Variants in OSBPL5 observed in about 807,000 individuals in gnomAD.
The protein encoded by OSBPL5 is oxysterol binding protein like 5.
Under a neutral mutation model 111.2 loss-of-function variants are expected in OSBPL5, and 71 were observed. The ratio of observed to expected loss-of-function variants is 0.64; its 90% CI spans 0.53 to 0.78. The LOEUF (loss-of-function observed/expected upper bound fraction) is 0.78. OSBPL5 is among the 30% of genes least tolerant of loss of function. The probability of loss-of-function intolerance (pLI) is 0.00; values close to 1 mark genes in which losing one functional copy is unlikely to be tolerated. For synonymous variants in OSBPL5, 549 were observed against 513.9 expected (o/e 1.07, Z -0.93); for missense variants, 1,210 against 1,189.3 (o/e 1.02, Z -0.26).
chr11:3,158,763 T>C (rs1348531666), intron 1 of OSBPL5, among the ~76,000 whole-genome samples: 8 of 152,216 alleles, frequency 5.3e-5, no homozygotes, highest in African/African-American at 1.9e-4. Flanking sequence ...TGCTTCTTTC[T>C]GCATAAAACC....
chr11:3,090,513 A>T, intron 20 of OSBPL5, 45 bp downstream of exon 20: 1 of 1,591,420 alleles, frequency 6.3e-7, no homozygotes, highest in South Asian at 1.1e-5. Flanking sequence ...CATCTGAGGC[A>T]CCCCACCAGA....
intron 1 of OSBPL5, among the ~76,000 whole-genome samples, chr11:3,148,643 C>T (rs11601459): frequency 7.9e-5 from 12 of 152,128 alleles, no homozygotes; most frequent in African/African-American, 2.4e-4. Flanking sequence ...CGAAGCCAAA[C>T]GGGAGAGGAC....
At chr11:3,164,619 G>T (rs1439924831) in intron 1 of OSBPL5, among the ~76,000 whole-genome samples, 1 of 152,212 alleles carries the variant, frequency 6.6e-6, no homozygotes, top group African/African-American at 2.4e-5. Context: ...CAGGGGGTCA[G>T]TGCCCCAGAG....
rs552382553 is a variant in OSBPL5 at position 3,098,495 on chromosome 11, A to ATTT, written c.1621+1660_1621+1662dup. Among the ~76,000 whole-genome samples the ATTT allele has an allele frequency of 3.0e-3, 244 of 81,194 alleles. 26 individuals are homozygous for ATTT. Among genetic ancestry groups the ATTT allele is most frequent in the African/African-American group, 0.014 (222 of 15,918 alleles). 53.3% of individuals were successfully genotyped at this position (81,194 alleles called of 152,430 possible). A position where few individuals can be genotyped will look rare whatever the true frequency, so the allele number is the denominator to read the frequency against. On this transcript the variant is annotated intron_variant, in intron 14 of 21. Coordinates refer to ENST00000263650, the MANE Select transcript of OSBPL5 (RefSeq NM_020896.4). Reference sequence around the variant, plus strand: ...TCAAGCCATAAAAAGACATGAAGGAATTTTTTTTTTTTTTTTTTTTTTTTT... The same window carrying ATTT: ...TCAAGCCATAAAAAGACATGAAGGAATTTTTTTTTTTTTTTTTTTTTTTTTTTT...
rs370608149 is a variant in OSBPL5, at chr11:3,142,486, C to T, written c.-21-13317G>A. The stretch of plus-strand genomic sequence containing the variant: ...CCTCCCCACTCGCTGCTCCGTGTCC[C>T]AGGAGGTCAGATTTCACCCGGATGC... On this transcript the variant is annotated intron_variant, in intron 1 of 21. Transcript: ENST00000263650. The surrounding 1 kb of genome is among the most constrained non-coding windows in gnomAD (Gnocchi z 7.1). Among the ~76,000 whole-genome samples the T allele has an allele frequency of 5.9e-5, 9 of 151,864 alleles. 1 individual carries two copies. Among genetic ancestry groups the T allele is most frequent in the South Asian group, 2.1e-4 (1 of 4,814 alleles).
At position 3,105,827 on chromosome 11, in the gene OSBPL5, G is replaced by T. The variant is rs986093701; in HGVS notation, c.1059+1436C>A. ...CACCTGCAGCAGCCCGCTCTGCCTG[G>T]CTCACAGCAGCGTCGCTCATCACCA... On this transcript the variant is annotated intron_variant, in intron 9 of 21. Coordinates refer to ENST00000263650, the MANE Select transcript of OSBPL5 (RefSeq NM_020896.4). The surrounding 1 kb of genome is among the most constrained non-coding windows in gnomAD (Gnocchi z 5.2). 2.6e-5 allele frequency among the ~76,000 whole-genome samples: 4 copies of T among 152,156 alleles called. No homozygotes were observed. Among genetic ancestry groups the T allele is most frequent in the Middle Eastern group, 3.4e-3 (1 of 294 alleles).
chr11:3,162,834 G>A lies in OSBPL5; in HGVS notation c.-22+2382C>T, dbSNP rs1170816071. Among the ~76,000 whole-genome samples, 2 of 152,124 alleles carry A rather than the reference G, an allele frequency of 1.3e-5. No homozygotes were observed. The highest frequency in any genetic ancestry group is 2.4e-5 in the African/African-American group (1 of 41,436). ...TTTGTGCCGGTCACAAGCAGCATGA[G>A]GACATCCAGGGCAGCATGCCTGTCC... On this transcript the variant is annotated intron_variant, in intron 1 of 21. Transcript: ENST00000263650. This position sits in a 1 kb window ranked among gnomAD's most constrained non-coding sequence, Gnocchi z 8.1.
In OSBPL5 at chr11:3,121,811, T is replaced by TA. The variant is rs1858426577; in HGVS notation, c.402+185dup. ...CTAATTCCTACCACTGGTGTCCTTA[T>TA]AAAAAGGGGGAGAGACAGGTGGATA... On this transcript the variant is annotated intron_variant, in intron 5 of 21. Coordinates refer to ENST00000263650, the MANE Select transcript of OSBPL5 (RefSeq NM_020896.4). This position sits in a 1 kb window ranked among gnomAD's most constrained non-coding sequence, Gnocchi z 4.3. 9 of 608,724 alleles carry TA rather than the reference T, an allele frequency of 1.5e-5. No individual in the cohort carries two copies. The highest frequency in any genetic ancestry group is 2.6e-5 in the Non-Finnish European group (9 of 343,292). 37.7% of individuals were successfully genotyped at this position (608,724 alleles called of 1,614,324 possible).
In OSBPL5 at chr11:3,146,399, A is replaced by AT. The variant is rs1293441528; in HGVS notation, c.-21-17231dup. On this transcript the variant is annotated intron_variant, in intron 1 of 21. Coordinates refer to ENST00000263650, the MANE Select transcript of OSBPL5 (RefSeq NM_020896.4). The surrounding 1 kb of genome is among the most constrained non-coding windows in gnomAD (Gnocchi z 7.8). ...GGTAGGAAAGGGGTCTCGTTTGTGG[A>AT]TTCCTCTACAGGATTTGGGGGTACC... 6.6e-6 allele frequency: 1 copy of AT among 152,328 alleles called. No individual in the cohort carries two copies. The highest frequency in any genetic ancestry group is 1.5e-5 in the Non-Finnish European group (1 of 68,162). 9.4% of individuals were successfully genotyped at this position (152,328 alleles called of 1,614,324 possible).
intron 1 of OSBPL5, among the ~76,000 whole-genome samples, chr11:3,136,095 C>T (rs553722469): frequency 2.6e-5 from 4 of 152,356 alleles, no homozygotes; most frequent in African/African-American, 9.6e-5. Flanking sequence ...CCTGGCCAGC[C>T]CTGTGTCCCT....
In OSBPL5 at chr11:3,122,377, C is replaced by T. The variant is rs749482626; in HGVS notation, c.271G>A (p.Ala91Thr). 2.4e-5 allele frequency: 38 copies of T among 1,613,594 alleles called. No homozygotes were observed. Among genetic ancestry groups the T allele is most frequent in the Middle Eastern group, 3.3e-4 (2 of 6,078 alleles). Residue 91 changes from alanine to threonine, a missense_variant, in exon 4 of 22, where the codon GCC (alanine) becomes ACC (threonine). By Grantham distance (58) the Ala-to-Thr change is moderately conservative. Transcript: ENST00000263650. ...AGAGTCTCCTTCTTGGTGACCCTGG[C>T]GGTGGGGGACACACATTCCTTGTCT... ...GSDKECVSPT[A>T]RVTKKETLKA... is the part of the protein sequence containing the mutation.
Position 3,154,062 on chromosome 11 carries a change from C to T in OSBPL5, c.-22+11154G>A, listed in dbSNP as rs1441039997. Among the ~76,000 whole-genome samples, 5 of 152,334 alleles carry T rather than the reference C, an allele frequency of 3.3e-5. No homozygotes were observed. Among genetic ancestry groups the T allele is most frequent in the Admixed American group, 2.6e-4 (4 of 15,304 alleles). ...AAGGAAGGTCTGTGCCCGGGAAACACATGGCATTCAAACCGCCGCTGGTGT... is the reference window on the plus strand; with the variant it reads ...AAGGAAGGTCTGTGCCCGGGAAACATATGGCATTCAAACCGCCGCTGGTGT... On this transcript the variant is annotated intron_variant, in intron 1 of 21. Coordinates refer to ENST00000263650, the MANE Select transcript of OSBPL5 (RefSeq NM_020896.4). The surrounding 1 kb of genome is among the most constrained non-coding windows in gnomAD (Gnocchi z 4.9).
intron 3 of OSBPL5, among the ~76,000 whole-genome samples, chr11:3,123,528 G>A (rs970436518): frequency 6.6e-6 from 1 of 152,236 alleles, no homozygotes; most frequent in East Asian, 1.9e-4. Context: ...CCTGCGCCGC[G>A]GCGGGGCCTA....
rs769168642 is a variant in OSBPL5 at position 3,107,369 on chromosome 11, T to G, written c.953A>C (p.Asp318Ala). ...GCCACTCTCCGTCTTCCGGCTATGG[T>G]CCTGGGTCTCGGTATCTGACTCCTC... ...NPEESDTETQ[D>A]HSRKTESGSD... Residue 318 changes from aspartate to alanine, a missense_variant, in exon 9 of 22, where the codon GAC becomes GCC. Asp to Ala is a moderately radical substitution (Grantham distance 126). Coordinates refer to ENST00000263650, the MANE Select transcript of OSBPL5 (RefSeq NM_020896.4). The surrounding 1 kb of genome is among the most constrained non-coding windows in gnomAD (Gnocchi z 6.1). 1 of 1,613,994 alleles carries G rather than the reference T, an allele frequency of 6.2e-7. No homozygotes were observed.
chr11:3,160,545 C>A (rs1301413294), intron 1 of OSBPL5, among the ~76,000 whole-genome samples: 1 of 152,226 alleles, frequency 6.6e-6, no homozygotes, highest in Admixed American at 6.5e-5. Context: ...GTCTTATTCG[C>A]CGCAATAGCT....
In OSBPL5 at chr11:3,107,545, T is replaced by C; in HGVS notation, c.867-90A>G. On this transcript the variant is annotated intron_variant, in intron 8 of 21. Transcript: ENST00000263650. The surrounding 1 kb of genome is among the most constrained non-coding windows in gnomAD (Gnocchi z 6.1). ...TGCCCACCCCTCGCTGCTCCGCACT[T>C]CACATACGTTCCTGCCTGTCGTCAC... 6.9e-7 allele frequency: 1 copy of C among 1,442,472 alleles called. No individual in the cohort carries two copies. The highest frequency in any genetic ancestry group is 2.3e-5 in the East Asian group (1 of 43,698). The allele number at this position is 1,442,472 out of a possible 1,614,324, so 89.4% of individuals were successfully genotyped here.
intron 1 of OSBPL5, chr11:3,164,303 G>A (rs2134577858): frequency 6.6e-6 from 1 of 152,424 alleles, no homozygotes; most frequent in East Asian, 1.9e-4. Flanking sequence ...GGGAGGGGCT[G>A]GGCTCAGCCC....
intron 4 of OSBPL5, 123 bp from the exon 5 acceptor site, chr11:3,122,221 G>A (rs1477067927): frequency 2.3e-6 from 3 of 1,306,882 alleles, no homozygotes; most frequent in Admixed American, 2.0e-5. Context: ...GAGGAAGTAG[G>A]GGGTGTGGAG....
rs942183429 is a variant in OSBPL5, at chr11:3,146,931, T to C, written c.-21-17762A>G. 3.3e-5 allele frequency among the ~76,000 whole-genome samples: 5 copies of C among 152,100 alleles called. No homozygotes were observed. Among genetic ancestry groups the C allele is most frequent in the Non-Finnish European group, 7.4e-5 (5 of 68,000 alleles). ...TGGTCTTCACGAGGGGCTGGGATTT[T>C]AGAGGTGGCTCAGCTGAGGGCACGG... is the stretch of plus-strand genomic sequence containing the variant. On this transcript the variant is annotated intron_variant, in intron 1 of 21. Transcript: ENST00000263650. This position sits in a 1 kb window ranked among gnomAD's most constrained non-coding sequence, Gnocchi z 7.8.
Sources: allele counts gnomAD v4.1 joint callset (sites outside exome capture counted in the v4.1 genomes callset), GRCh38; gene constraint gnomAD v4.1.1; non-coding constraint Gnocchi (gnomAD v3.1); transcripts MANE v1.5; gene names NCBI Gene and HGNC (gene_info 2026-07-23, HGNC 2026-07-21).